LIN9: variants seen among roughly 807,000 people sequenced by gnomAD.
LIN9 encodes protein lin-9 homolog.
A neutral mutation model predicts 78.0 loss-of-function variants in LIN9; 18 were observed. The observed-to-expected ratio is 0.23, with a 90% CI of 0.16 to 0.34. LIN9 has a LOEUF of 0.34. Among genes scored for constraint, LIN9 ranks in the 10% least tolerant of loss-of-function variants. LIN9 has a pLI of 1.00. For missense variants in LIN9, 451 were observed against 644.1 expected, an observed-to-expected ratio of 0.70 and a Z score of 3.25; for synonymous variants, 192 against 215.2, an observed-to-expected ratio of 0.89 and a Z score of 0.94.
rs201795347 is a variant in LIN9, at chr1:226,233,089, G to A, written c.1523+7C>T. On this transcript the variant is annotated splice_region_variant and intron_variant, in intron 14 of 14. Transcript: ENST00000681046. ...TTAAAATGATTAGAGTATACCTAACGAATTACCTGATATTAGAAGCGTCTA... is the reference window on the plus strand; with the variant it reads ...TTAAAATGATTAGAGTATACCTAACAAATTACCTGATATTAGAAGCGTCTA... The A allele has an allele frequency of 2.6e-5, 39 of 1,515,176 alleles. No homozygotes were observed. The highest frequency in any genetic ancestry group is 3.2e-5 in the Non-Finnish European group (35 of 1,109,252). The allele number at this position is 1,515,176 out of a possible 1,614,324, so 93.9% of individuals were successfully genotyped here.
At chr1:226,299,910 C>T (rs1296214315) in intron 2 of LIN9, among the ~76,000 whole-genome samples, 6 of 150,598 alleles carry the variant, frequency 4.0e-5, no homozygotes, top group Middle Eastern at 3.2e-3. Context: ...GACATTATTA[C>T]TTAGAAAGCA....
chr1:226,251,035 C>CAT (rs930245303), intron 10 of LIN9, 116 bp from the exon 11 acceptor site: 19 of 573,448 alleles, frequency 3.3e-5, no homozygotes, highest in South Asian at 8.1e-5. Flanking sequence ...AGTGTTTCAA[C>CAT]ATATATATAT....
Position 226,232,140 on chromosome 1 carries a change from C to T in LIN9, c.*361G>A, listed in dbSNP as rs1657377806. The T allele has an allele frequency of 5.0e-6, 2 of 399,122 alleles. No individual in the cohort carries two copies. The highest frequency in any genetic ancestry group is 8.8e-6 in the Non-Finnish European group (2 of 226,314). 24.7% of individuals were successfully genotyped at this position (399,122 alleles called of 1,614,324 possible). The stretch of plus-strand genomic sequence containing the variant: ...TAAAAAGACCAGGTTTCTTCATACT[C>T]TCCATTGCAGCAGTTGTCTGCATGT... On this transcript the variant is annotated 3_prime_UTR_variant, in exon 15 of 15. Coordinates refer to ENST00000681046, the MANE Select transcript of LIN9 (RefSeq NM_001366245.2).
intron 12 of LIN9, among the ~76,000 whole-genome samples, chr1:226,237,564 A>G (rs1033378073): frequency 6.7e-6 from 1 of 150,016 alleles, no homozygotes; most frequent in Non-Finnish European, 1.5e-5. Flanking sequence ...CCTGGGAGGC[A>G]GAGGTTGCAG....
At position 226,278,557 on chromosome 1, in the gene LIN9, C is replaced by T. The variant is rs1424424380; in HGVS notation, c.525-625G>A. ...GATTGTTTCTGGCCGGGCGTGGTGG[C>T]TCATGCCTGTAATCCTAGCAGTATG... On this transcript the variant is annotated intron_variant, in intron 6 of 14. Coordinates refer to ENST00000681046, the MANE Select transcript of LIN9 (RefSeq NM_001366245.2). Among the ~76,000 whole-genome samples the T allele has an allele frequency of 3.9e-5, 6 of 152,206 alleles. No individual in the cohort carries two copies. In the East Asian group the frequency reaches 1.2e-3, roughly 29 times the overall value.
chr1:226,264,319 G>C (rs941343358), intron 10 of LIN9, among the ~76,000 whole-genome samples: 1 of 152,146 alleles, frequency 6.6e-6, no homozygotes, highest in Non-Finnish European at 1.5e-5. Context: ...AGAGGCTACA[G>C]TGAGCTGAGA....
intron 10 of LIN9, among the ~76,000 whole-genome samples, chr1:226,260,692 C>T (rs11587767): frequency 0.29 from 37,649 of 127,768 alleles, 5,215 homozygotes; most frequent in Middle Eastern, 0.43. Context: ...TCACCCAGGC[C>T]GGAGTGCAGT....
chr1:226,237,936 G>C (rs1657832838), intron 12 of LIN9, among the ~76,000 whole-genome samples: 1 of 138,336 alleles, frequency 7.2e-6, no homozygotes, highest in Admixed American at 7.6e-5. Context: ...CTGGGCAACA[G>C]AGTAAGACTC....
intron 10 of LIN9, among the ~76,000 whole-genome samples, chr1:226,260,094 C>T (rs1365902513): frequency 6.6e-6 from 1 of 152,086 alleles, no homozygotes; most frequent in Non-Finnish European, 1.5e-5. Context: ...ATCCTATGGA[C>T]TTTAAAAAGA....
At chr1:226,289,092 C>T (rs534858560) in intron 4 of LIN9, among the ~76,000 whole-genome samples, 53 of 151,988 alleles carry the variant, frequency 3.5e-4, no homozygotes, top group Middle Eastern at 6.8e-3. Context: ...AAAAATTAGC[C>T]GGGCGTGGTG....
At chr1:226,295,268 G>A (rs1194958753) in intron 4 of LIN9, among the ~76,000 whole-genome samples, 1 of 151,854 alleles carries the variant, frequency 6.6e-6, no homozygotes, top group Non-Finnish European at 1.5e-5. Flanking sequence ...TGGCCAACAT[G>A]GTGAAACCCC....
rs967358215 is a variant in LIN9, at chr1:226,289,834, CGG to C, written c.265-2039_265-2038del. Reference sequence around the variant, plus strand: ...TTACTAGGACAACTAAGTAGTCCTCCGGGGGGGGGGGTGGGGGGGGGTGGGAA... The same window carrying C: ...TTACTAGGACAACTAAGTAGTCCTCCGGGGGGGGGTGGGGGGGGGTGGGAA... On this transcript the variant is annotated intron_variant, in intron 4 of 14. Coordinates refer to ENST00000681046, the MANE Select transcript of LIN9 (RefSeq NM_001366245.2). Among the ~76,000 whole-genome samples, 7 of 12,078 alleles carry C rather than the reference CGG, an allele frequency of 5.8e-4. 2 individuals are homozygous for C. The highest frequency in any genetic ancestry group is 2.5e-3 in the African/African-American group (7 of 2,848). The allele number at this position is 12,078 out of a possible 152,430, so 7.9% of individuals were successfully genotyped here.
Position 226,265,523 on chromosome 1 carries a change from C to G in LIN9, c.1038+10G>C. 6.5e-7 allele frequency: 1 copy of G among 1,548,310 alleles called. No homozygotes were observed. Among genetic ancestry groups the G allele is most frequent in the Non-Finnish European group, 8.9e-7 (1 of 1,123,832 alleles). The stretch of plus-strand genomic sequence containing the variant: ...AAACAAACAGCCAAGATATTCAGAA[C>G]AATTCTTACCACTTGGATAAGAAAT... On this transcript the variant is annotated intron_variant, in intron 10 of 14. Coordinates refer to ENST00000681046, the MANE Select transcript of LIN9 (RefSeq NM_001366245.2). This position sits in a 1 kb window ranked among gnomAD's most constrained non-coding sequence, Gnocchi z 4.1.
At chr1:226,297,937 TATA>T (rs1265076413) in intron 2 of LIN9, 124 bp from the exon 3 acceptor site, 7 of 399,800 alleles carry the variant, frequency 1.8e-5, no homozygotes, top group East Asian at 1.5e-4. Context: ...ATATACTGAC[TATA>T]ATAATTTTAG....
intron 1 of LIN9, 73 bp downstream of exon 1, chr1:226,309,036 C>T: frequency 1.6e-6 from 2 of 1,283,848 alleles, no homozygotes; most frequent in Non-Finnish European, 2.0e-6. Flanking sequence ...GCACGGCCGT[C>T]CGTCCCGGCC....
intron 1 of LIN9, among the ~76,000 whole-genome samples, chr1:226,303,195 T>C (rs1662673375): frequency 6.6e-6 from 1 of 152,164 alleles, no homozygotes; most frequent in South Asian, 2.1e-4. Flanking sequence ...TGAGAAAAAG[T>C]AGTAACCATT....
intron 4 of LIN9, among the ~76,000 whole-genome samples, chr1:226,294,932 TGAG>T (rs1395925904): frequency 2.0e-5 from 3 of 151,922 alleles, no homozygotes; most frequent in African/African-American, 7.2e-5. Flanking sequence ...CTCAAGTAGC[TGAG>T]ATTACAGGCG....
In LIN9 at chr1:226,269,187, C is replaced by T. The variant is rs182427228; in HGVS notation, c.683-1097G>A. On this transcript the variant is annotated intron_variant, in intron 7 of 14. Transcript: ENST00000681046. ...CATTTTAATAGAACACAGAAATACA[C>T]AATGCAAGACTGTTTAAAATAAAAG... Among the ~76,000 whole-genome samples the T allele has an allele frequency of 5.5e-4, 84 of 152,170 alleles. No homozygotes were observed. In the Middle Eastern group the frequency reaches 0.01, roughly 18 times the overall value.
intron 4 of LIN9, among the ~76,000 whole-genome samples, chr1:226,289,387 G>GTC (rs1233040857): frequency 6.6e-5 from 10 of 152,008 alleles, no homozygotes; most frequent in Non-Finnish European, 1.2e-4. Context: ...TTGAGACAGG[G>GTC]TCTCTCTCTC....
Sources: allele counts gnomAD v4.1 joint callset (sites outside exome capture counted in the v4.1 genomes callset), GRCh38; gene constraint gnomAD v4.1.1; non-coding constraint Gnocchi (gnomAD v3.1); transcripts MANE v1.5; gene names NCBI Gene and HGNC (gene_info 2026-07-23, HGNC 2026-07-21).